Variants in SCAI observed in about 807,000 individuals in gnomAD.
SCAI encodes suppressor of cancer cell invasion, also known as protein SCAI.
SCAI carries 24 observed loss-of-function variants against 92.2 expected under a neutral mutation model. The ratio of observed to expected loss-of-function variants is 0.26; its 90% CI spans 0.19 to 0.37. The LOEUF (loss-of-function observed/expected upper bound fraction) is 0.37. SCAI is among the 10% of genes least tolerant of loss of function. SCAI has a pLI of 1.00. For synonymous variants in SCAI, 261 were observed against 258.6 expected, an observed-to-expected ratio of 1.01 and a Z score of -0.09; for missense variants, 450 against 736.2, an observed-to-expected ratio of 0.61 and a Z score of 4.50.
At chr9:124,978,899 C>T (rs1472606892) in intron 14 of SCAI, among the ~76,000 whole-genome samples, 1 of 151,764 alleles carries the variant, frequency 6.6e-6, no homozygotes, top group Admixed American at 6.6e-5. Context: ...TTCGCTCTGT[C>T]GCCCAGGCTG....
At chr9:125,023,852 G>A (rs1317585608) in intron 6 of SCAI, among the ~76,000 whole-genome samples, 2 of 151,910 alleles carry the variant, frequency 1.3e-5, no homozygotes, top group African/African-American at 2.4e-5. Flanking sequence ...GATTAAATGC[G>A]TCAGTGCTGT....
chr9:125,056,037 G>T, intron 2 of SCAI, 30 bp from the exon 3 acceptor site: 4 of 1,541,626 alleles, frequency 2.6e-6, no homozygotes, highest in Non-Finnish European at 3.5e-6. Context: ...CATTCATGCA[G>T]GAGGTAAAAA....
At chr9:124,964,909 G>A (rs1171906699) in intron 17 of SCAI, among the ~76,000 whole-genome samples, 1 of 151,988 alleles carries the variant, frequency 6.6e-6, no homozygotes, top group Non-Finnish European at 1.5e-5. Flanking sequence ...AAACCCAAGT[G>A]CATTTGCACA....
At position 124,947,583 on chromosome 9, in the gene SCAI, T is replaced by C. The variant is rs973767920; in HGVS notation, c.*5224A>G. On this transcript the variant is annotated 3_prime_UTR_variant, in exon 18 of 18. Transcript: ENST00000336505. ...TTAAATAAATTCAGCCCACAATGGG[T>C]ATGGGTACATAATATACACATACTG... is the stretch of plus-strand genomic sequence containing the variant. 7 of 152,124 alleles carry C rather than the reference T, an allele frequency of 4.6e-5. No homozygotes were observed. Among genetic ancestry groups the C allele is most frequent in the Non-Finnish European group, 8.8e-5 (6 of 68,018 alleles). The allele number at this position is 152,124 out of a possible 1,614,324, so 9.4% of individuals were successfully genotyped here.
intron 14 of SCAI, among the ~76,000 whole-genome samples, chr9:124,992,721 C>T (rs76448320): frequency 0.012 from 1,787 of 152,198 alleles, 90 homozygotes; most frequent in Admixed American, 0.083. Context: ...ATGTTCTGGA[C>T]GATTTATTTC....
At chr9:125,044,319 T>G (rs542122277) in intron 3 of SCAI, among the ~76,000 whole-genome samples, 1 of 152,066 alleles carries the variant, frequency 6.6e-6, no homozygotes, top group South Asian at 2.1e-4. Flanking sequence ...ACTTCCACCA[T>G]TCAGAGCACA....
At chr9:125,012,518 G>C (rs1832660609) in intron 9 of SCAI, among the ~76,000 whole-genome samples, 2 of 152,154 alleles carry the variant, frequency 1.3e-5, no homozygotes, top group Non-Finnish European at 2.9e-5. Context: ...AGAGCACCCA[G>C]ATTCATAAAG....
intron 2 of SCAI, among the ~76,000 whole-genome samples, chr9:125,106,122 A>AAAAAAAATATATATATATATAT (rs1554791724): frequency 1.1e-4 from 1 of 8,864 alleles, no homozygotes; most frequent in African/African-American, 2.3e-4. Flanking sequence ...AAAAAAAAAA[A>AAAAAAAATATATATATATATAT]ATATATATAT....
At chr9:124,995,800 C>T (rs1293585486) in intron 13 of SCAI, among the ~76,000 whole-genome samples, 1 of 152,060 alleles carries the variant, frequency 6.6e-6, no homozygotes. Flanking sequence ...TACTTTTTAC[C>T]ATATGTTTCC....
At chr9:125,097,194 A>G (rs924502532) in intron 2 of SCAI, among the ~76,000 whole-genome samples, 3 of 152,210 alleles carry the variant, frequency 2.0e-5, no homozygotes, top group African/African-American at 7.2e-5. Flanking sequence ...GCACTTTGGG[A>G]GACCGAGGTG....
intron 3 of SCAI, among the ~76,000 whole-genome samples, chr9:125,033,549 C>A (rs1444576296): frequency 1.3e-5 from 2 of 152,114 alleles, no homozygotes; most frequent in African/African-American, 4.8e-5. Flanking sequence ...TAAAGTCTTT[C>A]TGGTCTTTCT....
chr9:125,110,087 T>C (rs1834901600), intron 2 of SCAI, among the ~76,000 whole-genome samples: 1 of 152,242 alleles, frequency 6.6e-6, no homozygotes, highest in Non-Finnish European at 1.5e-5. Flanking sequence ...CTAGTTGATA[T>C]TCTAGTAGAG....
chr9:124,978,014 T>C (rs1483593093), intron 14 of SCAI, among the ~76,000 whole-genome samples: 11 of 152,182 alleles, frequency 7.2e-5, no homozygotes, highest in Non-Finnish European at 1.6e-4. Context: ...TTAACTATGA[T>C]TGATAAACCT....
chr9:125,022,586 A>T (rs1301175453), intron 6 of SCAI, among the ~76,000 whole-genome samples: 1 of 151,734 alleles, frequency 6.6e-6, no homozygotes, highest in Non-Finnish European at 1.5e-5. Flanking sequence ...TAATTTTTTT[A>T]TTTTTATTTT....
chr9:125,141,145 G>A (rs1260329605), intron 2 of SCAI, among the ~76,000 whole-genome samples: 1 of 152,118 alleles, frequency 6.6e-6, no homozygotes, highest in Non-Finnish European at 1.5e-5. Context: ...AGTTTCTCAA[G>A]TTAATTTAAT....
intron 14 of SCAI, among the ~76,000 whole-genome samples, chr9:124,991,045 G>A (rs562838382): frequency 2.0e-5 from 3 of 152,196 alleles, no homozygotes; most frequent in East Asian, 1.9e-4. Flanking sequence ...CTATATGCAC[G>A]AGTTACTTCA....
chr9:125,101,757 C>T (rs981450833), intron 2 of SCAI, among the ~76,000 whole-genome samples: 4 of 152,198 alleles, frequency 2.6e-5, no homozygotes, highest in African/African-American at 9.7e-5. Context: ...AGCCAAGAGA[C>T]TGAAGTACAT....
chr9:125,106,060 G>A (rs1390087825), intron 2 of SCAI, among the ~76,000 whole-genome samples: 1 of 117,922 alleles, frequency 8.5e-6, no homozygotes, highest in Non-Finnish European at 1.6e-5. Flanking sequence ...TCACACCACT[G>A]CACTCCAACC....
At chr9:125,107,884 G>C (rs190820886) in intron 2 of SCAI, among the ~76,000 whole-genome samples, 4 of 152,144 alleles carry the variant, frequency 2.6e-5, no homozygotes, top group South Asian at 2.1e-4. Context: ...GATGCCGAGC[G>C]GAAGCTGGAC....
Sources: allele counts gnomAD v4.1 joint callset (sites outside exome capture counted in the v4.1 genomes callset), GRCh38; gene constraint gnomAD v4.1.1; transcripts MANE v1.5; gene names NCBI Gene and HGNC (gene_info 2026-07-23, HGNC 2026-07-21).